The following PCDH15 variants were observed in gnomAD, a reference collection of about 807,000 sequenced individuals.
PCDH15 encodes the protein protocadherin related 15, also known as protocadherin-15.
PCDH15 carries 129 observed loss-of-function variants against 178.5 expected under a neutral mutation model. The ratio of observed to expected loss-of-function variants is 0.72; its 90% CI spans 0.63 to 0.84. PCDH15 has a LOEUF of 0.84. Ranked by LOEUF, PCDH15 falls within the 40% of genes least tolerant of loss-of-function variation. The pLI is 0.00. For missense variants in PCDH15, 2,230 were observed against 2,099.9 expected, an observed-to-expected ratio of 1.06 and a Z score of -1.21; for synonymous variants, 800 against 732.0, an observed-to-expected ratio of 1.09 and a Z score of -1.50.
chr10:55,361,687 T>A (rs368961835), intron 2 of PCDH15, among the ~76,000 whole-genome samples: 1 of 152,082 alleles, frequency 6.6e-6, no homozygotes, highest in South Asian at 2.1e-4. Flanking sequence ...TGAAGTTCAC[T>A]TCATAAATAT....
intron 18 of PCDH15, among the ~76,000 whole-genome samples, chr10:54,051,168 A>G (rs1241524859): frequency 1.3e-5 from 2 of 152,216 alleles, no homozygotes; most frequent in Non-Finnish European, 2.9e-5. Flanking sequence ...AGACTAGTAC[A>G]GTACATTGGT....
intron 9 of PCDH15, among the ~76,000 whole-genome samples, chr10:54,229,416 T>C (rs1211317930): frequency 6.6e-6 from 1 of 152,182 alleles, no homozygotes; most frequent in Non-Finnish European, 1.5e-5. Context: ...TGAAGGATCA[T>C]AAAAGTTATG....
At chr10:53,992,078 C>T (rs1288831238) in intron 21 of PCDH15, among the ~76,000 whole-genome samples, 1 of 151,864 alleles carries the variant, frequency 6.6e-6, no homozygotes, top group South Asian at 2.1e-4. Context: ...CGAAGGTCTG[C>T]AGCTTCACTC....
At chr10:54,652,762 T>C (rs1185243349) in intron 2 of PCDH15, among the ~76,000 whole-genome samples, 1 of 152,148 alleles carries the variant, frequency 6.6e-6, no homozygotes, top group African/African-American at 2.4e-5. Flanking sequence ...GCTCAACTAG[T>C]ACCTTGATCT....
chr10:55,204,836 A>G (rs777976573), intron 1 of PCDH15, among the ~76,000 whole-genome samples: 10 of 152,124 alleles, frequency 6.6e-5, no homozygotes, highest in Non-Finnish European at 1.2e-4. Flanking sequence ...GGTGAGTACT[A>G]TTATATCCAC....
intron 3 of PCDH15, among the ~76,000 whole-genome samples, chr10:54,520,369 A>G (rs2082715709): frequency 6.6e-6 from 1 of 152,180 alleles, no homozygotes; most frequent in Non-Finnish European, 1.5e-5. Context: ...ATTTACAAGA[A>G]AAAAACAAAC....
chr10:55,422,310 T>C (rs931099497), intron 2 of PCDH15, among the ~76,000 whole-genome samples: 1 of 151,860 alleles, frequency 6.6e-6, no homozygotes, highest in African/African-American at 2.4e-5. Flanking sequence ...AACAGAACTA[T>C]ATAGAATCCT....
chr10:55,317,111 G>C (rs1246674013), intron 1 of PCDH15, among the ~76,000 whole-genome samples: 5 of 152,138 alleles, frequency 3.3e-5, no homozygotes, highest in Non-Finnish European at 7.4e-5. Flanking sequence ...TTGGGAACCA[G>C]GGGCAGATAG....
intron 3 of PCDH15, among the ~76,000 whole-genome samples, chr10:54,524,110 T>C (rs576731932): frequency 2.0e-5 from 3 of 152,304 alleles, no homozygotes; most frequent in East Asian, 3.9e-4. Context: ...CAAATAACTT[T>C]TAAAAAATTA....
intron 6 of PCDH15, among the ~76,000 whole-genome samples, chr10:54,340,275 G>A (rs1171648302): frequency 6.6e-6 from 1 of 151,900 alleles, no homozygotes; most frequent in African/African-American, 2.4e-5. Flanking sequence ...TGTTGTCATT[G>A]GCTAATGAAT....
intron 2 of PCDH15, among the ~76,000 whole-genome samples, chr10:55,612,534 A>C (rs1327379976): frequency 6.6e-6 from 1 of 152,162 alleles, no homozygotes; most frequent in Non-Finnish European, 1.5e-5. Flanking sequence ...TATTTTAAGA[A>C]AATTCTTACA....
At chr10:54,245,049 C>T (rs1037392197) in intron 8 of PCDH15, among the ~76,000 whole-genome samples, 2 of 152,060 alleles carry the variant, frequency 1.3e-5, no homozygotes, top group African/African-American at 4.8e-5. Flanking sequence ...TATCTAGGAC[C>T]TCCTTGTTAG....
intron 3 of PCDH15, among the ~76,000 whole-genome samples, chr10:54,493,664 T>C (rs1264435817): frequency 6.6e-6 from 1 of 151,818 alleles, no homozygotes; most frequent in Non-Finnish European, 1.5e-5. Context: ...TCAGCCATTG[T>C]GGAAGTCAGT....
At chr10:54,770,387 C>A (rs1244844338) in intron 1 of PCDH15, among the ~76,000 whole-genome samples, 1 of 152,060 alleles carries the variant, frequency 6.6e-6, no homozygotes, top group Non-Finnish European at 1.5e-5. Context: ...ACTACTCATT[C>A]CTAAACATTG....
intron 2 of PCDH15, among the ~76,000 whole-genome samples, chr10:54,949,586 G>A (rs1032240566): frequency 6.6e-6 from 1 of 151,800 alleles, no homozygotes; most frequent in Non-Finnish European, 1.5e-5. Context: ...CTTTTATATC[G>A]CATAGTCAAG....
chr10:54,328,941 A>C (rs538823065), intron 7 of PCDH15, among the ~76,000 whole-genome samples: 3 of 152,088 alleles, frequency 2.0e-5, no homozygotes, highest in South Asian at 4.1e-4. Context: ...ATAAGCATAT[A>C]AGCATGTCTA....
intron 2 of PCDH15, among the ~76,000 whole-genome samples, chr10:54,628,138 A>G (rs1392584741): frequency 1.3e-5 from 2 of 152,158 alleles, no homozygotes; most frequent in Non-Finnish European, 2.9e-5. Context: ...ATAAGTTAGC[A>G]CTAGATACAG....
intron 11 of PCDH15, among the ~76,000 whole-genome samples, chr10:54,192,119 A>G (rs2049076575): frequency 7.8e-6 from 1 of 128,384 alleles, no homozygotes; most frequent in Non-Finnish European, 1.6e-5. Context: ...AAAAAAAAAA[A>G]GAAAGAAAGA....
intron 1 of PCDH15, among the ~76,000 whole-genome samples, chr10:55,276,578 C>T (rs898479995): frequency 2.0e-5 from 3 of 151,072 alleles, no homozygotes; most frequent in Non-Finnish European, 3.0e-5. Context: ...ACAAGTATAC[C>T]TTTTTTATAA....
Sources: gnomAD v4.1 joint callset for allele counts (sites outside exome capture counted in the v4.1 genomes callset) on GRCh38, gnomAD v4.1.1 for gene constraint, MANE v1.5 for transcripts, NCBI Gene and HGNC (gene_info 2026-07-23, HGNC 2026-07-21) for gene names.